ENOX2: variants seen among roughly 807,000 people sequenced by gnomAD.
ENOX2 encodes the protein ecto-NOX disulfide-thiol exchanger 2, also known as APK1 antigen.
A neutral mutation model predicts 45.0 loss-of-function variants in ENOX2; 36 were observed. The observed-to-expected ratio is 0.80, with a 90% CI of 0.61 to 1.06. ENOX2 has a LOEUF of 1.06. ENOX2 is among the 50% of genes least tolerant of loss of function. The pLI is 0.00. For synonymous variants in ENOX2, 174 were observed against 152.3 expected (o/e 1.14, Z -1.05); for missense variants, 423 against 462.5 (o/e 0.91, Z 0.78).
intron 2 of ENOX2, among the ~76,000 whole-genome samples, chrX:130,855,389 A>G (rs1002171170): frequency 4.5e-5 from 5 of 112,253 alleles, no homozygotes; most frequent in African/African-American, 1.6e-4. Flanking sequence ...AAATGTGTAC[A>G]TAATTTATAT....
At chrX:130,883,432 T>C (rs767392790) in intron 2 of ENOX2, among the ~76,000 whole-genome samples, 21 of 111,580 alleles carry the variant, frequency 1.9e-4, no homozygotes, top group Non-Finnish European at 3.8e-4. Context: ...ATTCTTATTA[T>C]TGTGTTTATA....
intron 2 of ENOX2, among the ~76,000 whole-genome samples, chrX:130,843,476 C>G (rs1400379066): frequency 9.0e-6 from 1 of 111,360 alleles, no homozygotes; most frequent in Non-Finnish European, 1.9e-5. Context: ...TAAAAACTTT[C>G]CGGTGACTTC....
At chrX:130,857,912 T>C (rs890620452) in intron 2 of ENOX2, among the ~76,000 whole-genome samples, 2 of 111,172 alleles carry the variant, frequency 1.8e-5, no homozygotes, top group African/African-American at 6.5e-5. Context: ...ATGAACAAAT[T>C]TAAAAATATG....
In ENOX2 at chrX:130,899,856, C is replaced by G. The variant is rs7889108; in HGVS notation, c.-183+1828G>C. On this transcript the variant is annotated intron_variant, in intron 2 of 14. Transcript: ENST00000394363. ...TTTGGCAATATTATTGCTCACCATA[C>G]AATATAAAGGACAAGAGGCAAGGGG... Among the ~76,000 whole-genome samples the G allele has an allele frequency of 9.1e-3, 1,021 of 112,151 alleles. 12 individuals are homozygous for G. The highest frequency in any genetic ancestry group is 0.031 in the African/African-American group (958 of 30,795).
At chrX:130,678,145 A>T (rs2037204512) in intron 6 of ENOX2, among the ~76,000 whole-genome samples, 1 of 110,749 alleles carries the variant, frequency 9.0e-6, no homozygotes, top group African/African-American at 3.3e-5. Flanking sequence ...CAGAAAATGG[A>T]CCAAGACACA....
At chrX:130,691,886 T>C (rs1034264320) in intron 4 of ENOX2, among the ~76,000 whole-genome samples, 1 of 113,040 alleles carries the variant, frequency 8.8e-6, no homozygotes, top group African/African-American at 3.2e-5. Flanking sequence ...AAAAAACAAA[T>C]ATACAGGATA....
At chrX:130,670,965 T>C (rs2036974337) in intron 6 of ENOX2, among the ~76,000 whole-genome samples, 1 of 111,578 alleles carries the variant, frequency 9.0e-6, no homozygotes, top group African/African-American at 3.3e-5. Flanking sequence ...AGCTAGATAC[T>C]TCCATAGGAA....
intron 2 of ENOX2, among the ~76,000 whole-genome samples, chrX:130,870,756 C>T (rs780664189): frequency 1.1e-3 from 124 of 111,669 alleles, no homozygotes; most frequent in Non-Finnish European, 2.0e-3. Context: ...CTCTATCTTT[C>T]TAGAAGGACA....
At position 130,876,565 on chromosome X, in the gene ENOX2, T is replaced by C. The variant is rs926396558; in HGVS notation, c.-183+25119A>G. On this transcript the variant is annotated intron_variant, in intron 2 of 14. Coordinates refer to ENST00000394363, the MANE Select transcript of ENOX2 (RefSeq NM_006375.4). ...TGAGGGTTGCACAACCCTGTGAATATACTAAAGATCACTAAATTATACACT... is the reference window on the plus strand; with the variant it reads ...TGAGGGTTGCACAACCCTGTGAATACACTAAAGATCACTAAATTATACACT... 8.9e-5 allele frequency among the ~76,000 whole-genome samples: 10 copies of C among 111,848 alleles called. No homozygotes were observed. The South Asian group carries it at 3.7e-3, about 42-fold the overall frequency.
chrX:130,858,749 T>C (rs1024896425), intron 2 of ENOX2, among the ~76,000 whole-genome samples: 2 of 111,828 alleles, frequency 1.8e-5, no homozygotes, highest in Non-Finnish European at 3.8e-5. Context: ...CATATTGTTA[T>C]TCTGCATGCT....
At chrX:130,757,673 T>C (rs773624443) in intron 3 of ENOX2, among the ~76,000 whole-genome samples, 12 of 111,825 alleles carry the variant, frequency 1.1e-4, no homozygotes, top group Non-Finnish European at 2.1e-4. Flanking sequence ...ATTATACTTT[T>C]AATTAGAAAT....
intron 1 of ENOX2, among the ~76,000 whole-genome samples, chrX:130,902,375 A>G (rs1397260101): frequency 9.0e-6 from 1 of 110,742 alleles, no homozygotes; most frequent in Non-Finnish European, 1.9e-5. Context: ...TTAAACACAC[A>G]TTTCTCAAAA....
chrX:130,849,345 T>C (rs751879674), intron 2 of ENOX2, among the ~76,000 whole-genome samples: 13 of 112,038 alleles, frequency 1.2e-4, no homozygotes, highest in Admixed American at 6.6e-4. Flanking sequence ...AGTCAGAGAC[T>C]AAAGACAAGA....
chrX:130,717,746 T>G (rs189456169), intron 3 of ENOX2, among the ~76,000 whole-genome samples: 16 of 112,012 alleles, frequency 1.4e-4, no homozygotes, highest in African/African-American at 4.5e-4. Context: ...GCGTAAAGTA[T>G]AAACAACAAC....
At chrX:130,828,930 A>G (rs895401606) in intron 2 of ENOX2, among the ~76,000 whole-genome samples, 78 of 111,827 alleles carry the variant, frequency 7.0e-4, no homozygotes, top group African/African-American at 2.5e-3. Context: ...CTCTGGTTCT[A>G]TTAACCCACT....
chrX:130,821,818 C>T (rs2077618112), intron 2 of ENOX2, among the ~76,000 whole-genome samples: 2 of 95,430 alleles, frequency 2.1e-5, no homozygotes, highest in South Asian at 1.0e-3. Context: ...GTAATCCCAG[C>T]ACTTTGGGAG....
At position 130,757,732 on chromosome X, in the gene ENOX2, C is replaced by T. The variant is rs112504956; in HGVS notation, c.-39+25815G>A. Among the ~76,000 whole-genome samples the T allele has an allele frequency of 3.6e-5, 4 of 110,627 alleles. No individual in the cohort carries two copies. In the East Asian group the frequency reaches 8.5e-4, roughly 24 times the overall value. ...TAAAAAATAATACAGAGAGATACTA[C>T]GCATTCTTTTTTTTTTTGTAAGACA... On this transcript the variant is annotated intron_variant, in intron 3 of 14. Transcript: ENST00000394363.
At chrX:130,686,222 G>C (rs1370103502) in intron 5 of ENOX2, among the ~76,000 whole-genome samples, 4 of 110,960 alleles carry the variant, frequency 3.6e-5, no homozygotes, top group Non-Finnish European at 7.6e-5. Flanking sequence ...GGGGCCTGAT[G>C]GGAGGTGATT....
intron 2 of ENOX2, among the ~76,000 whole-genome samples, chrX:130,803,119 T>G (rs2148433509): frequency 8.9e-6 from 1 of 112,182 alleles, no homozygotes; most frequent in South Asian, 3.7e-4. Flanking sequence ...TGTTGGATCA[T>G]GTAATATTTT....
Sources: allele counts gnomAD v4.1 joint callset (sites outside exome capture counted in the v4.1 genomes callset), GRCh38; gene constraint gnomAD v4.1.1; transcripts MANE v1.5; gene names NCBI Gene and HGNC (gene_info 2026-07-23, HGNC 2026-07-21).